The following STPG2 variants were observed in gnomAD, a reference collection of about 807,000 sequenced individuals.
The protein encoded by STPG2 is sperm tail PG-rich repeat containing 2, also known as sperm-tail PG-rich repeat-containing protein 2.
In STPG2, 56 loss-of-function variants were observed where a neutral mutation model predicts 54.2. The ratio of observed to expected loss-of-function variants is 1.03; its 90% CI spans 0.83 to 1.29. The LOEUF is 1.29. STPG2 is among the 50% of genes most tolerant of loss of function. STPG2 has a pLI of 0.00. For missense variants in STPG2, 596 were observed against 544.9 expected (o/e 1.09, Z -0.93); for synonymous variants, 200 against 181.8 (o/e 1.10, Z -0.81).
intron 9 of STPG2, among the ~76,000 whole-genome samples, chr4:97,802,582 T>C (rs931285440): frequency 1.3e-5 from 2 of 152,134 alleles, no homozygotes; most frequent in African/African-American, 4.8e-5. Context: ...GTGATTCTCC[T>C]GCCTAAGCCT....
intron 1 of STPG2, among the ~76,000 whole-genome samples, chr4:98,138,366 AGAG>A (rs2110171420): frequency 6.6e-6 from 1 of 152,188 alleles, no homozygotes; most frequent in South Asian, 2.1e-4. Flanking sequence ...AGTGTATAGA[AGAG>A]GAGATTTGAG....
intron 10 of STPG2, among the ~76,000 whole-genome samples, chr4:97,683,747 A>C (rs1723104488): frequency 6.6e-6 from 1 of 151,848 alleles, no homozygotes; most frequent in South Asian, 2.1e-4. Context: ...TATTCTATAT[A>C]ATAGTATAAG....
At chr4:97,615,674 G>T (rs895974318) in intron 10 of STPG2, among the ~76,000 whole-genome samples, 1 of 151,932 alleles carries the variant, frequency 6.6e-6, no homozygotes, top group Non-Finnish European at 1.5e-5. Flanking sequence ...TCAATTGTTT[G>T]TGGCCAGATA....
At chr4:97,716,184 A>G (rs561519614) in intron 9 of STPG2, among the ~76,000 whole-genome samples, 280 of 152,310 alleles carry the variant, frequency 1.8e-3, no homozygotes, top group Non-Finnish European at 3.5e-3. Context: ...GATCATTAAA[A>G]AAATCAGGAA....
chr4:97,566,895 G>T (rs892216077), intron 10 of STPG2, among the ~76,000 whole-genome samples: 1 of 149,472 alleles, frequency 6.7e-6, no homozygotes, highest in African/African-American at 2.5e-5. Context: ...GGTGGTGGGA[G>T]GGGGGAGGGA....
intron 10 of STPG2, among the ~76,000 whole-genome samples, chr4:97,703,138 C>G (rs1723828548): frequency 6.6e-6 from 1 of 151,974 alleles, no homozygotes; most frequent in African/African-American, 2.4e-5. Flanking sequence ...TTCTCACGAG[C>G]AGTGAATCAG....
At chr4:97,953,902 G>C (rs187286862) in intron 7 of STPG2, among the ~76,000 whole-genome samples, 116 of 152,238 alleles carry the variant, frequency 7.6e-4, no homozygotes, top group African/African-American at 2.6e-3. Flanking sequence ...AGTGAGAATT[G>C]CTATACACTA....
chr4:97,606,077 T>G (rs1490477985), intron 10 of STPG2, among the ~76,000 whole-genome samples: 3 of 151,872 alleles, frequency 2.0e-5, no homozygotes. Flanking sequence ...TAGAATGATT[T>G]GAAATGATTT....
At chr4:97,530,629 C>A (rs1389278918) in intron 4 of STPG2, among the ~76,000 whole-genome samples, 1 of 152,086 alleles carries the variant, frequency 6.6e-6, no homozygotes, top group Non-Finnish European at 1.5e-5. Context: ...GAAGCTCACA[C>A]CAAATTTTCA....
intron 10 of STPG2, among the ~76,000 whole-genome samples, chr4:97,645,305 G>GA (rs796384753): frequency 0.049 from 6,698 of 136,596 alleles, 148 homozygotes; most frequent in African/African-American, 0.065. Context: ...GTATCTTGCT[G>GA]AAAAAAAAAA....
intron 8 of STPG2, among the ~76,000 whole-genome samples, chr4:97,850,500 A>C (rs1335264812): frequency 1.3e-5 from 2 of 151,856 alleles, no homozygotes; most frequent in Non-Finnish European, 2.9e-5. Flanking sequence ...GAATTTAGCT[A>C]AAATTATCTA....
chr4:97,682,390 A>G (rs1474749481), intron 10 of STPG2, among the ~76,000 whole-genome samples: 3 of 151,820 alleles, frequency 2.0e-5, no homozygotes, highest in Non-Finnish European at 3.0e-5. Flanking sequence ...TACAAAAATT[A>G]CATCACAAAG....
chr4:97,662,860 G>T (rs534077955), intron 10 of STPG2, among the ~76,000 whole-genome samples: 1 of 151,994 alleles, frequency 6.6e-6, no homozygotes, highest in East Asian at 1.9e-4. Context: ...TGGGTGACAG[G>T]ATCTGTACCC....
chr4:98,101,763 C>G (rs1271842174), intron 5 of STPG2, among the ~76,000 whole-genome samples: 1 of 152,140 alleles, frequency 6.6e-6, no homozygotes, highest in Non-Finnish European at 1.5e-5. Context: ...GAAACAATTT[C>G]TTCTCCATGA....
At chr4:97,875,319 T>TA (rs1452237486) in intron 8 of STPG2, among the ~76,000 whole-genome samples, 2 of 151,832 alleles carry the variant, frequency 1.3e-5, no homozygotes, top group Non-Finnish European at 2.9e-5. Flanking sequence ...TTTATATACT[T>TA]ACGTATATTG....
At chr4:98,007,832 A>C (rs1735621170) in intron 5 of STPG2, among the ~76,000 whole-genome samples, 1 of 152,026 alleles carries the variant, frequency 6.6e-6, no homozygotes. Context: ...TATAGTTGAA[A>C]ACTTCCATAA....
intron 10 of STPG2, among the ~76,000 whole-genome samples, chr4:97,571,173 A>C (rs1295468817): frequency 6.6e-6 from 1 of 152,124 alleles, no homozygotes; most frequent in Admixed American, 6.6e-5. Flanking sequence ...TTAATTATTA[A>C]AAGTTTGACA....
chr4:97,503,158 G>A (rs2148834811), intron 4 of STPG2, among the ~76,000 whole-genome samples: 1 of 152,030 alleles, frequency 6.6e-6, no homozygotes, highest in East Asian at 1.9e-4. Context: ...GAAATAGTGT[G>A]TTAGAATGGC....
At chr4:97,833,882 G>A (rs973824414) in intron 9 of STPG2, among the ~76,000 whole-genome samples, 1 of 152,112 alleles carries the variant, frequency 6.6e-6, no homozygotes, top group Non-Finnish European at 1.5e-5. Context: ...AGAGGATGTG[G>A]AGAAATAGGA....
Sources: allele counts gnomAD v4.1 joint callset (sites outside exome capture counted in the v4.1 genomes callset), GRCh38; gene constraint gnomAD v4.1.1; transcripts MANE v1.5; gene names NCBI Gene and HGNC (gene_info 2026-07-23, HGNC 2026-07-21).